NCOR2: variants seen among roughly 807,000 people sequenced by gnomAD.
NCOR2 encodes CTG repeat protein 26.
In NCOR2, 81 loss-of-function variants were observed where a neutral mutation model predicts 262.9. The ratio of observed to expected loss-of-function variants is 0.31; its 90% CI spans 0.26 to 0.37. NCOR2 has a LOEUF of 0.37. Ranked by LOEUF, NCOR2 falls within the 10% of genes least tolerant of loss-of-function variation. NCOR2 has a pLI of 1.00. For missense variants in NCOR2, 3,385 were observed against 3,621.4 expected (o/e 0.93, Z 1.68); for synonymous variants, 1,659 against 1,559.3 (o/e 1.06, Z -1.51).
intron 12 of NCOR2, among the ~76,000 whole-genome samples, chr12:124,421,268 G>A (rs1012062951): frequency 3.3e-5 from 5 of 152,200 alleles, no homozygotes; most frequent in Admixed American, 1.3e-4. Context: ...CTTGTCCTGG[G>A]CTGCCTCTCA....
chr12:124,400,251 C>A (rs1297789403), intron 15 of NCOR2, among the ~76,000 whole-genome samples: 1 of 152,114 alleles, frequency 6.6e-6, no homozygotes, highest in Admixed American at 6.5e-5. Context: ...CAACTGTCCC[C>A]CCACGTTAGA....
chr12:124,499,979 G>A (rs2048608328), upstream of NCOR2, among the ~76,000 whole-genome samples: 1 of 152,132 alleles, frequency 6.6e-6, no homozygotes, highest in Non-Finnish European at 1.5e-5. Context: ...GCAGGCCGAG[G>A]AAACAGCTCG....
At position 124,566,364 on chromosome 12, in the gene NCOR2, A is replaced by C. The variant is rs762287491; in HGVS notation, c.-165+944T>G. ...AAAAATAAACCTACAATGTAAAAATAACGCCGGGCGCCCCACGCTAATTGG... is the reference window on the plus strand; with the variant it reads ...AAAAATAAACCTACAATGTAAAAATCACGCCGGGCGCCCCACGCTAATTGG... On this transcript the variant is annotated intron_variant, in intron 1 of 32. Coordinates refer to the NCOR2 transcript ENST00000458234. This position sits in a 1 kb window ranked among gnomAD's most constrained non-coding sequence, Gnocchi z 4.3. 7.9e-5 allele frequency among the ~76,000 whole-genome samples: 12 copies of C among 152,084 alleles called. No individual in the cohort carries two copies. Among genetic ancestry groups the C allele is most frequent in the Non-Finnish European group, 1.2e-4 (8 of 68,016 alleles).
chr12:124,370,764 G>A (rs985282450), intron 20 of NCOR2, among the ~76,000 whole-genome samples: 2 of 152,180 alleles, frequency 1.3e-5, no homozygotes, highest in Non-Finnish European at 2.9e-5. Flanking sequence ...ACCCAGGCCA[G>A]GAGCAAAGAC....
intron 1 of NCOR2, among the ~76,000 whole-genome samples, chr12:124,564,099 A>G (rs1198455739): frequency 6.6e-6 from 1 of 152,254 alleles, no homozygotes; most frequent in Non-Finnish European, 1.5e-5. Context: ...CCTGGCACAC[A>G]GTAGGTGTTG....
exon 47 of NCOR2, chr12:124,325,381 C>CGGG: frequency 2.6e-6 from 1 of 380,676 alleles, no homozygotes; most frequent in East Asian, 4.5e-5. Context: ...GACACCGCCC[C>CGGG]CCCCCCCGCC....
chr12:124,533,774 T>C (rs1174889632), intron 1 of NCOR2, among the ~76,000 whole-genome samples: 1 of 152,172 alleles, frequency 6.6e-6, no homozygotes, highest in African/African-American at 2.4e-5. Context: ...GGGAGCACGA[T>C]GGGGGTGGAC....
chr12:124,536,758 G>C (rs781213058), upstream of NCOR2, among the ~76,000 whole-genome samples: 2 of 152,174 alleles, frequency 1.3e-5, no homozygotes, highest in African/African-American at 4.8e-5. Flanking sequence ...ATTTCTTATA[G>C]TTAAACACAT....
At chr12:124,368,765 GCC>G (rs1400442817) in intron 20 of NCOR2, among the ~76,000 whole-genome samples, 3 of 152,166 alleles carry the variant, frequency 2.0e-5, no homozygotes, top group African/African-American at 7.2e-5. Flanking sequence ...TGCCCCATCT[GCC>G]CATCACCCAC....
chr12:124,543,644 G>A (rs1197907104), intron 1 of NCOR2, among the ~76,000 whole-genome samples: 2 of 152,250 alleles, frequency 1.3e-5, no homozygotes, highest in Non-Finnish European at 2.9e-5. Context: ...GCAGCCGGCA[G>A]GAGCAATTAG....
At chr12:124,485,474 C>G (rs1293524728) in intron 2 of NCOR2, among the ~76,000 whole-genome samples, 1 of 152,246 alleles carries the variant, frequency 6.6e-6, no homozygotes, top group Non-Finnish European at 1.5e-5. Context: ...TCCCCTTGAG[C>G]CTTCTGAGGG....
At chr12:124,365,015 G>A (rs553019261) in intron 20 of NCOR2, among the ~76,000 whole-genome samples, 4 of 151,910 alleles carry the variant, frequency 2.6e-5, no homozygotes, top group African/African-American at 9.7e-5. Flanking sequence ...GCCTATGTTT[G>A]GGGGTATGGA....
At chr12:124,385,930 C>T (rs766668335) in intron 16 of NCOR2, 43 bp from the exon 19 acceptor site, 3 of 1,596,004 alleles carry the variant, frequency 1.9e-6, no homozygotes, top group Admixed American at 3.4e-5. Context: ...CCAGGCCCGG[C>T]ACGCAGAGGG....
At chr12:124,424,310 C>T (rs1772857577) in intron 11 of NCOR2, among the ~76,000 whole-genome samples, 1 of 152,162 alleles carries the variant, frequency 6.6e-6, no homozygotes, top group African/African-American at 2.4e-5. Flanking sequence ...ACACCCGTGA[C>T]CGTCCCACCA....
At chr12:124,500,092 A>G (rs1439363223), upstream of NCOR2, among the ~76,000 whole-genome samples, 1 of 152,062 alleles carries the variant, frequency 6.6e-6, no homozygotes, top group African/African-American at 2.4e-5. Context: ...CAGAGTCAGG[A>G]GGGTCAGGCC....
chr12:124,345,460 G>C (rs1473601489), intron 31 of NCOR2, among the ~76,000 whole-genome samples: 2 of 152,154 alleles, frequency 1.3e-5, no homozygotes, highest in Non-Finnish European at 2.9e-5. Context: ...TGAGGAAATG[G>C]GGGGGTCACA....
chr12:124,350,890 G>A (rs2037393972), intron 27 of NCOR2, among the ~76,000 whole-genome samples, 153 bp from the exon 30 acceptor site: 1 of 152,210 alleles, frequency 6.6e-6, no homozygotes, highest in African/African-American at 2.4e-5. Flanking sequence ...GAGTTTGCAT[G>A]GAACAAAACC....
At chr12:124,343,153 C>T (rs377741543) in exon 33 of NCOR2, 17 of 1,611,338 alleles carry the variant, frequency 1.1e-5, no homozygotes, top group African/African-American at 4.0e-5. Context: ...CGGTGCTGTG[C>T]GGGGACTTGG....
intron 41 of NCOR2, among the ~76,000 whole-genome samples, chr12:124,334,092 C>T (rs1205086052): frequency 6.6e-6 from 1 of 152,064 alleles, no homozygotes; most frequent in African/African-American, 2.4e-5. Flanking sequence ...ACTGACTGTG[C>T]CCCTGTGGGC....
Sources: allele counts gnomAD v4.1 joint callset (sites outside exome capture counted in the v4.1 genomes callset), GRCh38; gene constraint gnomAD v4.1.1; non-coding constraint Gnocchi (gnomAD v3.1); transcripts MANE v1.5; gene names NCBI Gene and HGNC (gene_info 2026-07-23, HGNC 2026-07-21).